Variants in CDK18 observed in about 807,000 individuals in gnomAD.
The protein encoded by CDK18 is cyclin-dependent kinase 18.
A neutral mutation model predicts 62.0 loss-of-function variants in CDK18; 52 were observed. The observed-to-expected ratio is 0.84, with a 90% CI of 0.67 to 1.06. CDK18 has a LOEUF of 1.06. Among genes scored for constraint, CDK18 ranks in the 50% least tolerant of loss-of-function variants. The pLI is 0.00. For synonymous variants in CDK18, 237 were observed against 247.0 expected (o/e 0.96, Z 0.38); for missense variants, 604 against 619.9 (o/e 0.97, Z 0.27).
rs1668457773 is a variant in CDK18, at chr1:205,526,821, G to A, written c.713G>A (p.Ser238Asn). 3 of 1,614,036 alleles carry A rather than the reference G, an allele frequency of 1.9e-6. No individual in the cohort carries two copies. The highest frequency in any genetic ancestry group is 1.3e-5 in the African/African-American group (1 of 75,058). Residue 238 changes from serine (S) to asparagine (N), a missense_variant, in exon 8 of 16, where the codon AGC (serine) becomes AAC (asparagine). Ser to Asn is a conservative substitution (Grantham distance 46). Coordinates refer to ENST00000429964, the MANE Select transcript of CDK18 (RefSeq NM_212502.3). ...QYLDHCGNLMSMHNVKIFMFQ... is the reference protein window; with the variant it reads ...QYLDHCGNLMNMHNVKIFMFQ... ...CTGGACCACTGTGGGAACCTCATGA[G>A]CATGCACAACGTCAAGGTGAGGCCT...
intron 1 of CDK18, among the ~76,000 whole-genome samples, chr1:205,508,698 G>T (rs1667423260): frequency 6.6e-6 from 1 of 152,170 alleles, no homozygotes; most frequent in African/African-American, 2.4e-5. Context: ...ACAAAAATTA[G>T]CCAGGTGTGG....
At chr1:205,518,998 C>G (rs1162399365) in intron 1 of CDK18, among the ~76,000 whole-genome samples, 4 of 152,196 alleles carry the variant, frequency 2.6e-5, no homozygotes, top group African/African-American at 4.8e-5. Flanking sequence ...CTCCACCCCC[C>G]ACTGCCGGGC....
chr1:205,530,511 G>A, intron 14 of CDK18, 117 bp from the exon 15 acceptor site: 1 of 1,207,714 alleles, frequency 8.3e-7, no homozygotes, highest in Non-Finnish European at 1.2e-6. Context: ...CAAATTGAGG[G>A]GGCAAACAGT....
Position 205,528,889 on chromosome 1 carries a change from A to G in CDK18, c.975-110A>G. The G allele has an allele frequency of 1.4e-6, 1 of 696,682 alleles. No individual in the cohort carries two copies. The allele number at this position is 696,682 out of a possible 1,614,324, so 43.2% of individuals were successfully genotyped here. On this transcript the variant is annotated intron_variant, in intron 10 of 15. Transcript: ENST00000429964. The surrounding 1 kb of genome is among the most constrained non-coding windows in gnomAD (Gnocchi z 4.2). The stretch of plus-strand genomic sequence containing the variant: ...GGGCCACCCCTCCGCCGCCAGAGCC[A>G]CGATCCCTGCAGCCGCCTGTGGCAG...
chr1:205,523,609 G>C lies in CDK18; in HGVS notation c.257G>C (p.Arg86Pro). The C allele has an allele frequency of 6.4e-7, 1 of 1,573,698 alleles. No homozygotes were observed. Among genetic ancestry groups the C allele is most frequent in the Non-Finnish European group, 8.6e-7 (1 of 1,159,816 alleles). ...CAGTTCCAGCGGCGGCAGAACCAGC[G>C]CCGCTTCTCCATGGAGGTAAGGGCC... ...GVQFQRRQNQRRFSMEDVSKR... is the reference protein window; with the variant it reads ...GVQFQRRQNQPRFSMEDVSKR... The change falls in exon 3 of 16, where the codon CGC becomes CCC. Residue 86 changes from arginine to proline, a missense_variant. Physicochemically the swap from Arg to Pro is moderately radical, Grantham distance 103 (BLOSUM62 -2). Transcript: ENST00000429964.
chr1:205,519,531 C>G (rs1363822130), intron 1 of CDK18, among the ~76,000 whole-genome samples: 1 of 152,074 alleles, frequency 6.6e-6, no homozygotes, highest in African/African-American at 2.4e-5. Flanking sequence ...TACATCTGAC[C>G]CCCATCCCTT....
At chr1:205,520,625 G>A (rs542349056) in intron 1 of CDK18, among the ~76,000 whole-genome samples, 7 of 151,800 alleles carry the variant, frequency 4.6e-5, no homozygotes, top group South Asian at 2.1e-4. Context: ...GCTTGAGCCC[G>A]GAAGGTGGAG....
intron 5 of CDK18, 126 bp downstream of exon 5, chr1:205,525,321 T>C (rs1338210841): frequency 2.0e-5 from 12 of 597,434 alleles, no homozygotes; most frequent in Admixed American, 8.5e-5. Flanking sequence ...CCCTGCCCCA[T>C]AGAGGTGCAC....
At chr1:205,514,491 G>A (rs957464751) in intron 1 of CDK18, among the ~76,000 whole-genome samples, 1 of 152,168 alleles carries the variant, frequency 6.6e-6, no homozygotes, top group Non-Finnish European at 1.5e-5. Context: ...ACAGGAGATG[G>A]CCTAATGAGA....
Position 205,517,722 on chromosome 1 carries a change from GC to G in CDK18, c.-21-5422del, listed in dbSNP as rs1390687497. On this transcript the variant is annotated intron_variant, in intron 1 of 15. Transcript: ENST00000429964. This position sits in a 1 kb window ranked among gnomAD's most constrained non-coding sequence, Gnocchi z 4.1. The stretch of plus-strand genomic sequence containing the variant: ...TCTTTGCCTCCACCTTCAAAATATA[GC>G]CCAAATCCAGCCACTTCTCACCATC... Among the ~76,000 whole-genome samples the G allele has an allele frequency of 1.3e-5, 2 of 151,804 alleles. No individual in the cohort carries two copies. Among genetic ancestry groups the G allele is most frequent in the Admixed American group, 1.3e-4 (2 of 15,210 alleles).
chr1:205,505,317 C>G (rs912489294), intron 1 of CDK18, among the ~76,000 whole-genome samples: 3 of 152,106 alleles, frequency 2.0e-5, no homozygotes, highest in Non-Finnish European at 4.4e-5. Context: ...CTTTCCAGAG[C>G]GGCAGGCAGG....
Position 205,526,120 on chromosome 1 carries a change from C to A in CDK18, c.512C>A (p.Ala171Asp). Reference protein sequence around the residue: ...GRSKLTENLVALKEIRLEHEE... With the variant: ...GRSKLTENLVDLKEIRLEHEE... ...AGCAAACTGACGGAGAACCTTGTGGCCCTGAAAGAGATCCGGCTGGAGCAC... is the reference window on the plus strand; with the variant it reads ...AGCAAACTGACGGAGAACCTTGTGGACCTGAAAGAGATCCGGCTGGAGCAC... The change falls in exon 6 of 16, where the codon GCC becomes GAC. Residue 171 changes from alanine (A) to aspartate (D), a missense_variant. Ala to Asp is a moderately radical substitution (Grantham distance 126). Transcript: ENST00000429964. 1 of 1,614,072 alleles carries A rather than the reference C, an allele frequency of 6.2e-7. No individual in the cohort carries two copies. The highest frequency in any genetic ancestry group is 8.5e-7 in the Non-Finnish European group (1 of 1,179,974).
At position 205,528,482 on chromosome 1, in the gene CDK18, G is replaced by A. The variant is rs540994361; in HGVS notation, c.974+314G>A. On this transcript the variant is annotated intron_variant, in intron 10 of 15. Coordinates refer to ENST00000429964, the MANE Select transcript of CDK18 (RefSeq NM_212502.3). This position sits in a 1 kb window ranked among gnomAD's most constrained non-coding sequence, Gnocchi z 4.2. ...TACGATGAATCTTCCCCAAGCATCAGTCCCAGTGAAAATTTTGAAAGAGAA... is the reference window on the plus strand; with the variant it reads ...TACGATGAATCTTCCCCAAGCATCAATCCCAGTGAAAATTTTGAAAGAGAA... Among the ~76,000 whole-genome samples the A allele has an allele frequency of 6.6e-6, 1 of 152,280 alleles. No homozygotes were observed. The highest frequency in any genetic ancestry group is 1.9e-4 in the East Asian group (1 of 5,188).
rs1002071080 is a variant in CDK18, at chr1:205,527,429, T to C, written c.730-365T>C. 8.7e-6 allele frequency: 2 copies of C among 229,134 alleles called. No homozygotes were observed. Among genetic ancestry groups the C allele is most frequent in the African/African-American group, 4.7e-5 (2 of 42,858 alleles). 14.2% of individuals were successfully genotyped at this position (229,134 alleles called of 1,614,324 possible). On this transcript the variant is annotated intron_variant, in intron 8 of 15. Transcript: ENST00000429964. This position sits in a 1 kb window ranked among gnomAD's most constrained non-coding sequence, Gnocchi z 4.1. The stretch of plus-strand genomic sequence containing the variant: ...GGGAGGTTGAGGCTGCAGTGAGCCA[T>C]GATCACACCACTGCACTCCAGCCTG...
intron 1 of CDK18, among the ~76,000 whole-genome samples, chr1:205,518,539 C>T (rs755868807): frequency 9.9e-5 from 15 of 152,082 alleles, no homozygotes; most frequent in African/African-American, 3.4e-4. Context: ...GGGGCAAGGG[C>T]GGGGAGGGCT....
Position 205,528,084 on chromosome 1 carries a change from A to C in CDK18, c.890A>C (p.Tyr297Ser). Reference protein sequence around the residue: ...ARAKSVPTKTYSNEVVTLWYR... With the variant: ...ARAKSVPTKTSSNEVVTLWYR... ...GCCAAGTCAGTGCCCACAAAGACTT[A>C]CTCCAATGAGGTGGTGACCCTGTGG... Residue 297 changes from tyrosine (Y) to serine (S), a missense_variant, in exon 10 of 16, where the codon TAC becomes TCC. Tyr to Ser is a moderately radical substitution (Grantham distance 144). Coordinates refer to ENST00000429964, the MANE Select transcript of CDK18 (RefSeq NM_212502.3). The surrounding 1 kb of genome is among the most constrained non-coding windows in gnomAD (Gnocchi z 4.2). 1.2e-6 allele frequency: 2 copies of C among 1,614,108 alleles called. No individual in the cohort carries two copies. The highest frequency in any genetic ancestry group is 2.2e-5 in the South Asian group (2 of 91,082).
In CDK18 at chr1:205,526,090, G is replaced by A. The variant is rs368064182; in HGVS notation, c.482G>A (p.Gly161Glu). ...GGCACCTATGCCACAGTCTTCAAAG[G>A]GCGCAGCAAACTGACGGAGAACCTT... ...GEGTYATVFK[G>E]RSKLTENLVA... The change falls in exon 6 of 16, where the codon GGG becomes GAG. Residue 161 changes from glycine to glutamate, a missense_variant. Transcript: ENST00000429964. 3.1e-5 allele frequency: 50 copies of A among 1,613,702 alleles called. No individual in the cohort carries two copies. The highest frequency in any genetic ancestry group is 4.0e-5 in the Non-Finnish European group (47 of 1,179,874).
At chr1:205,511,388 C>T (rs1353532930) in intron 1 of CDK18, among the ~76,000 whole-genome samples, 8 of 152,216 alleles carry the variant, frequency 5.3e-5, no homozygotes, top group Non-Finnish European at 1.2e-4. Flanking sequence ...GCTGTCTGGC[C>T]TCTTACAGAA....
chr1:205,523,511 C>T lies in CDK18; in HGVS notation c.159C>T (p.Asp53=). 8.1e-6 allele frequency: 13 copies of T among 1,604,460 alleles called. No individual in the cohort carries two copies. Among genetic ancestry groups the T allele is most frequent in the Non-Finnish European group, 1.1e-5 (13 of 1,175,962 alleles). ...ENLQLGPLGR[D]PPQECSTFSP... ...TGCAGCTCGGTCCTCTTGGCAGAGA[C>T]CCCCCGCAGGAGTGCAGCACCTTCT... Residue 53 remains aspartate, a synonymous_variant, in exon 3 of 16, where the codon GAC becomes GAT. Transcript: ENST00000429964.
Sources: gnomAD v4.1 joint callset for allele counts (sites outside exome capture counted in the v4.1 genomes callset) on GRCh38, gnomAD v4.1.1 for gene constraint, Gnocchi (gnomAD v3.1) non-coding constraint, MANE v1.5 for transcripts, NCBI Gene and HGNC (gene_info 2026-07-23, HGNC 2026-07-21) for gene names.